GLDC: variants seen among roughly 807,000 people sequenced by gnomAD.
The protein encoded by GLDC is glycine dehydrogenase (decarboxylating), mitochondrial.
A neutral mutation model predicts 121.3 loss-of-function variants in GLDC; 104 were observed. The observed-to-expected ratio is 0.86, with a 90% CI of 0.73 to 1.01. The LOEUF (loss-of-function observed/expected upper bound fraction) is 1.01, where lower values mean the gene tolerates loss of function less well. Ranked by LOEUF, GLDC falls within the 50% of genes least tolerant of loss-of-function variation. GLDC has a pLI of 0.00. For synonymous variants in GLDC, 546 were observed against 480.6 expected (o/e 1.14, Z -1.78); for missense variants, 1,429 against 1,306.6 (o/e 1.09, Z -1.44).
In GLDC at chr9:6,645,229, G is replaced by A. The variant is rs1819718277; in HGVS notation, c.255+16C>T. ...GGCGGAGGGGAGGCCGCGGAGGGCC[G>A]GGTGGAGGTCCTTACCGCCAGCCCC... On this transcript the variant is annotated intron_variant, in intron 1 of 24. Coordinates refer to ENST00000321612, the MANE Select transcript of GLDC (RefSeq NM_000170.3). The A allele has an allele frequency of 7.0e-6, 11 of 1,576,886 alleles. No homozygotes were observed. The highest frequency in any genetic ancestry group is 7.7e-6 in the Non-Finnish European group (9 of 1,161,406).
intron 9 of GLDC, among the ~76,000 whole-genome samples, chr9:6,594,106 C>T (rs973668810): frequency 6.6e-6 from 1 of 152,074 alleles, no homozygotes; most frequent in South Asian, 2.1e-4. Flanking sequence ...ATTACATACA[C>T]GAGTAACCAT....
intron 3 of GLDC, among the ~76,000 whole-genome samples, chr9:6,617,286 T>C (rs1324999317): frequency 6.6e-6 from 1 of 152,134 alleles, no homozygotes; most frequent in African/African-American, 2.4e-5. Flanking sequence ...GAAAAGTAAA[T>C]GAAAAGTACA....
chr9:6,558,532 C>T (rs369827665), intron 17 of GLDC, 27 bp downstream of exon 17: 6 of 1,613,788 alleles, frequency 3.7e-6, no homozygotes, highest in Non-Finnish European at 5.1e-6. Flanking sequence ...CCCGGCCTCT[C>T]CCATCTGCTA....
At chr9:6,633,644 A>G (rs1819436731) in intron 2 of GLDC, among the ~76,000 whole-genome samples, 1 of 151,920 alleles carries the variant, frequency 6.6e-6, no homozygotes, top group Non-Finnish European at 1.5e-5. Context: ...GCTTCTGGCC[A>G]GGCACAGTGG....
At chr9:6,577,306 C>T (rs1418876267) in intron 15 of GLDC, among the ~76,000 whole-genome samples, 1 of 152,186 alleles carries the variant, frequency 6.6e-6, no homozygotes, top group Non-Finnish European at 1.5e-5. Flanking sequence ...GAACTGGGTG[C>T]CCTGGGAGAC....
chr9:6,639,321 T>C, intron 2 of GLDC: 1 of 932,684 alleles, frequency 1.1e-6, no homozygotes, highest in Non-Finnish European at 1.8e-6. Context: ...AGCCCAAATA[T>C]CCTCGGAAGA....
intron 15 of GLDC, among the ~76,000 whole-genome samples, chr9:6,572,951 C>T (rs1399494874): frequency 6.6e-6 from 1 of 152,172 alleles, no homozygotes; most frequent in Non-Finnish European, 1.5e-5. Context: ...GTATTTCCTG[C>T]AGCCACCCGG....
intron 22 of GLDC, among the ~76,000 whole-genome samples, chr9:6,539,124 A>T (rs546911248): frequency 4.3e-4 from 66 of 152,258 alleles, no homozygotes; most frequent in Admixed American, 4.3e-3. Flanking sequence ...TGTTCTCCCC[A>T]ACTTAGCCTT....
chr9:6,631,403 C>A (rs1819374583), intron 2 of GLDC, among the ~76,000 whole-genome samples: 1 of 152,154 alleles, frequency 6.6e-6, no homozygotes, highest in Non-Finnish European at 1.5e-5. Flanking sequence ...GTAGCAAAAC[C>A]AAAACAACAT....
intron 15 of GLDC, chr9:6,569,344 A>G (rs1817909226): frequency 6.6e-6 from 1 of 152,198 alleles, no homozygotes; most frequent in African/African-American, 2.4e-5. Flanking sequence ...CCCTAGCCAA[A>G]CATACTGAGA....
intron 2 of GLDC, among the ~76,000 whole-genome samples, chr9:6,643,439 T>C (rs887762488): frequency 2.7e-5 from 4 of 150,362 alleles, no homozygotes; most frequent in African/African-American, 7.4e-5. Flanking sequence ...CTTTCTATCA[T>C]AGCAACAAAA....
chr9:6,551,917 GA>G (rs1817523439), intron 20 of GLDC, among the ~76,000 whole-genome samples: 1 of 152,154 alleles, frequency 6.6e-6, no homozygotes, highest in African/African-American at 2.4e-5. Flanking sequence ...CTCATGGGGG[GA>G]TTTTTTAAAA....
chr9:6,635,788 C>T (rs1316738820), intron 2 of GLDC, among the ~76,000 whole-genome samples: 2 of 152,108 alleles, frequency 1.3e-5, no homozygotes, highest in African/African-American at 4.8e-5. Flanking sequence ...GGTGACAGGA[C>T]TGCCTGAGCC....
chr9:6,532,770 A>G lies in GLDC; in HGVS notation c.*247T>C. The stretch of plus-strand genomic sequence containing the variant: ...TCCTAAAACTTTCTACGCAAAACAC[A>G]AAATGGCTCCCAATCCAGGCAACTG... On this transcript the variant is annotated 3_prime_UTR_variant, in exon 25 of 25. Transcript: ENST00000321612. The G allele has an allele frequency of 2.0e-6, 1 of 501,880 alleles. No homozygotes were observed. Among genetic ancestry groups the G allele is most frequent in the Non-Finnish European group, 3.6e-6 (1 of 276,222 alleles). The allele number at this position is 501,880 out of a possible 1,614,324, so 31.1% of individuals were successfully genotyped here. A position where few individuals can be genotyped will look rare whatever the true frequency, so the allele number is the denominator to read the frequency against.
At chr9:6,594,905 C>T in intron 9 of GLDC, 109 bp downstream of exon 9, 3 of 771,910 alleles carry the variant, frequency 3.9e-6, no homozygotes, top group Admixed American at 3.4e-5. Flanking sequence ...CCTCGTTTCT[C>T]ACTTGACTTT....
rs375497905 is a variant in GLDC, at chr9:6,645,317, G to C, written c.183C>G (p.Asp61Glu). 1.7e-5 allele frequency: 27 copies of C among 1,590,070 alleles called. No individual in the cohort carries two copies. The highest frequency in any genetic ancestry group is 2.2e-5 in the Non-Finnish European group (26 of 1,170,210). ...GGCCGATGTGCCTCCGAGCGAAGTC[G>C]TCGTGTCTGGGCAGAAGGCGCTCCA... The part of the protein sequence containing the change: ...RLLERLLPRH[D>E]DFARRHIGPG... The change falls in exon 1 of 25, where the codon GAC becomes GAG. Residue 61 changes from aspartate to glutamate, a missense_variant. By Grantham distance (45) the Asp-to-Glu change is conservative (BLOSUM62 2). Transcript: ENST00000321612.
At chr9:6,551,824 G>A (rs1226631069) in intron 20 of GLDC, among the ~76,000 whole-genome samples, 2 of 152,196 alleles carry the variant, frequency 1.3e-5, no homozygotes, top group Non-Finnish European at 2.9e-5. Flanking sequence ...GGCAAGGTGA[G>A]TTGTGACTCC....
At chr9:6,565,672 C>G (rs184585615) in intron 15 of GLDC, 20 of 610,684 alleles carry the variant, frequency 3.3e-5, no homozygotes, top group Non-Finnish European at 8.7e-6. Flanking sequence ...AAAGATGGAG[C>G]TTTCTATATC....
At chr9:6,597,365 C>T (rs556388280) in intron 8 of GLDC, among the ~76,000 whole-genome samples, 2 of 152,118 alleles carry the variant, frequency 1.3e-5, no homozygotes, top group Non-Finnish European at 2.9e-5. Context: ...ATTGGTGAAA[C>T]TTACGGTGAG....
Sources: gnomAD v4.1 joint callset for allele counts (sites outside exome capture counted in the v4.1 genomes callset) on GRCh38, gnomAD v4.1.1 for gene constraint, MANE v1.5 for transcripts, NCBI Gene and HGNC (gene_info 2026-07-23, HGNC 2026-07-21) for gene names.